NEBL: variants seen among roughly 807,000 people sequenced by gnomAD.
The protein encoded by NEBL is nebulette.
Under a neutral mutation model 140.2 loss-of-function variants are expected in NEBL, and 122 were observed. The observed-to-expected ratio is 0.87, with a 90% CI of 0.75 to 1.01. The LOEUF is 1.01. Among genes scored for constraint, NEBL ranks in the 50% least tolerant of loss-of-function variants. The pLI is 0.00. For synonymous variants in NEBL, 436 were observed against 398.9 expected, an observed-to-expected ratio of 1.09 and a Z score of -1.11; for missense variants, 1,365 against 1,231.3, an observed-to-expected ratio of 1.11 and a Z score of -1.62.
rs1267567543 is a variant in NEBL, at chr10:20,869,793, G to A, written c.529C>T (p.Leu177Phe). The change falls in exon 6 of 28, where the codon CTT (leucine) becomes TTT (phenylalanine). Residue 177 changes from leucine to phenylalanine, a missense_variant. Coordinates refer to ENST00000377122, the MANE Select transcript of NEBL (RefSeq NM_006393.3). ...GCCATCTTGATGTCTGGTCGGTCAAGTTCTGCACTGTACGTGTGGGTGTCC... is the reference window on the plus strand; with the variant it reads ...GCCATCTTGATGTCTGGTCGGTCAAATTCTGCACTGTACGTGTGGGTGTCC... ...VQDTHTYSAELDRPDIKMATQ... is the reference protein window; with the variant it reads ...VQDTHTYSAEFDRPDIKMATQ... 6.2e-7 allele frequency: 1 copy of A among 1,613,506 alleles called. No individual in the cohort carries two copies. The highest frequency in any genetic ancestry group is 1.3e-5 in the African/African-American group (1 of 74,896).
chr10:21,126,828 AGCCAGGT>A (rs781758178), intron 2 of NEBL, among the ~76,000 whole-genome samples: 56 of 152,104 alleles, frequency 3.7e-4, no homozygotes, highest in Non-Finnish European at 7.2e-4. Flanking sequence ...AAAGAAAATT[AGCCAGGT>A]ATGGTGGTGC....
intron 3 of NEBL, among the ~76,000 whole-genome samples, chr10:21,186,553 G>T (rs1397289848): frequency 6.6e-6 from 1 of 152,054 alleles, no homozygotes; most frequent in East Asian, 1.9e-4. Context: ...TTTAAATCAA[G>T]CTTGTCCAAC....
At chr10:20,847,411 T>C (rs1842048557) in intron 11 of NEBL, among the ~76,000 whole-genome samples, 1 of 152,192 alleles carries the variant, frequency 6.6e-6, no homozygotes, top group Non-Finnish European at 1.5e-5. Flanking sequence ...AAAGAGAGAC[T>C]ATCTAAAATC....
rs142270288 is a variant in NEBL at position 20,908,970 on chromosome 10, G to C, written c.357+52702C>G. On this transcript the variant is annotated intron_variant, in intron 4 of 6. Transcript: ENST00000417816. ...TTTTGTACTGATCACCAGACACTGAGATCATAAAATTTGTGTTTGTGGCAC... is the reference window on the plus strand; with the variant it reads ...TTTTGTACTGATCACCAGACACTGACATCATAAAATTTGTGTTTGTGGCAC... Among the ~76,000 whole-genome samples, 668 of 152,130 alleles carry C rather than the reference G, an allele frequency of 4.4e-3. 5 individuals are homozygous for C. Among genetic ancestry groups the C allele is most frequent in the African/African-American group, 0.016 (646 of 41,506 alleles).
rs138969722 is a variant in NEBL at position 21,266,102 on chromosome 10, C to G, written n.183-14274G>C. Among the ~76,000 whole-genome samples, 1,009 of 152,122 alleles carry G rather than the reference C, an allele frequency of 6.6e-3. 8 individuals are homozygous for G. The highest frequency in any genetic ancestry group is 0.022 in the African/African-American group (920 of 41,504). The stretch of plus-strand genomic sequence containing the variant: ...CTGCCCCCCATATCTGATCGATCAC[C>G]AGGTATGCTGATTTTTTTTTTCTTT... On this transcript the variant is annotated intron_variant and non_coding_transcript_variant, in intron 1 of 8. Transcript: ENST00000675702.
At chr10:21,187,456 G>A (rs533928986) in intron 3 of NEBL, among the ~76,000 whole-genome samples, 1 of 151,550 alleles carries the variant, frequency 6.6e-6, no homozygotes, top group Non-Finnish European at 1.5e-5. Context: ...TTCTTTTGAG[G>A]GCAAATCTTG....
chr10:20,844,934 A>C (rs1424694654), intron 12 of NEBL, among the ~76,000 whole-genome samples: 5 of 152,058 alleles, frequency 3.3e-5, no homozygotes, highest in Non-Finnish European at 7.4e-5. Flanking sequence ...CCCATATTCA[A>C]AACATTTTTT....
intron 4 of NEBL, among the ~76,000 whole-genome samples, chr10:20,926,079 A>T (rs1428820802): frequency 6.6e-6 from 1 of 152,220 alleles, no homozygotes; most frequent in African/African-American, 2.4e-5. Flanking sequence ...TATGCCTCTT[A>T]TGAAATCTTA....
intron 2 of NEBL, among the ~76,000 whole-genome samples, chr10:21,146,713 GGTAAA>G (rs2132115642): frequency 6.6e-6 from 1 of 152,112 alleles, no homozygotes; most frequent in Non-Finnish European, 1.5e-5. Flanking sequence ...GCAATGCCCT[GGTAAA>G]GTAAAAATTT....
chr10:20,887,264 G>A (rs562438596), intron 4 of NEBL, among the ~76,000 whole-genome samples: 2 of 152,232 alleles, frequency 1.3e-5, no homozygotes, highest in East Asian at 3.9e-4. Context: ...CTCTGCAACT[G>A]GCAATCACCA....
chr10:21,088,699 T>C (rs976759370), intron 2 of NEBL, among the ~76,000 whole-genome samples: 4 of 152,172 alleles, frequency 2.6e-5, no homozygotes, highest in Non-Finnish European at 5.9e-5. Flanking sequence ...CAGCAAAGAA[T>C]AGTGACAGCC....
At chr10:21,209,177 A>G (rs1039069027) in intron 3 of NEBL, among the ~76,000 whole-genome samples, 1 of 152,142 alleles carries the variant, frequency 6.6e-6, no homozygotes, top group Non-Finnish European at 1.5e-5. Flanking sequence ...CAAATGACAA[A>G]AGGAATGTGT....
chr10:20,898,757 C>G (rs920183705), upstream of NEBL, among the ~76,000 whole-genome samples: 3 of 152,138 alleles, frequency 2.0e-5, no homozygotes, highest in Admixed American at 6.5e-5. Context: ...TTTATCTCAT[C>G]AAATCTAATC....
At chr10:21,030,213 A>T (rs917708924) in intron 2 of NEBL, 6 of 517,052 alleles carry the variant, frequency 1.2e-5, no homozygotes, top group African/African-American at 2.0e-5. Flanking sequence ...CGGCCTCGGG[A>T]GAGACACCCA....
chr10:21,003,798 C>G (rs1329462580), intron 3 of NEBL, among the ~76,000 whole-genome samples: 1 of 152,156 alleles, frequency 6.6e-6, no homozygotes, highest in Non-Finnish European at 1.5e-5. Flanking sequence ...CTAGCCTTTG[C>G]TTAAACTATT....
chr10:20,870,949 T>C (rs958519933), intron 5 of NEBL, among the ~76,000 whole-genome samples: 5 of 152,250 alleles, frequency 3.3e-5, no homozygotes, highest in Non-Finnish European at 5.9e-5. Context: ...CATGTTTCAC[T>C]GGTCAGCTCA....
In NEBL at chr10:21,173,790, G is replaced by A. The variant is rs1487373152; in HGVS notation, c.44C>T (p.Thr15Ile). 3.7e-6 allele frequency: 6 copies of A among 1,612,906 alleles called. No individual in the cohort carries two copies. Among genetic ancestry groups the A allele is most frequent in the Non-Finnish European group, 5.1e-6 (6 of 1,179,868 alleles). Residue 15 changes from threonine (T) to isoleucine (I), a missense_variant, in exon 1 of 7, where the codon ACC (threonine) becomes ATC (isoleucine). Coordinates refer to the NEBL transcript ENST00000417816. This position sits in a 1 kb window ranked among gnomAD's most constrained non-coding sequence, Gnocchi z 5.7. ...CTTATCCAGGCAGTTGACTTTCTCG[G>A]TGGGATACACGACTTTTCCGCAACG...
intron 2 of NEBL, among the ~76,000 whole-genome samples, chr10:21,080,566 T>G (rs926162975): frequency 6.6e-6 from 1 of 152,192 alleles, no homozygotes; most frequent in South Asian, 2.1e-4. Flanking sequence ...GAGGGGAAGA[T>G]AAGCATATAC....
chr10:21,086,186 G>A (rs1337953955), intron 2 of NEBL, among the ~76,000 whole-genome samples: 3 of 152,198 alleles, frequency 2.0e-5, no homozygotes, highest in Non-Finnish European at 2.9e-5. Flanking sequence ...ACTCCGTGTT[G>A]TTATCATTTA....
Sources: gnomAD v4.1 joint callset for allele counts (sites outside exome capture counted in the v4.1 genomes callset) on GRCh38, gnomAD v4.1.1 for gene constraint, Gnocchi (gnomAD v3.1) non-coding constraint, MANE v1.5 for transcripts, NCBI Gene and HGNC (gene_info 2026-07-23, HGNC 2026-07-21) for gene names.